EIF3B: variants seen among roughly 807,000 people sequenced by gnomAD.
EIF3B encodes eukaryotic translation initiation factor 3 subunit 9.
Under a neutral mutation model 104.6 loss-of-function variants are expected in EIF3B, and 10 were observed. That is an observed-to-expected ratio of 0.10 (90% confidence interval 0.06 to 0.16). The LOEUF (loss-of-function observed/expected upper bound fraction) is 0.16, where lower values mean the gene tolerates loss of function less well. Ranked by LOEUF, EIF3B falls within the 10% of genes least tolerant of loss-of-function variation. EIF3B has a pLI of 1.00. For missense variants in EIF3B, 1,014 were observed against 1,087.9 expected (o/e 0.93, Z 0.96); for synonymous variants, 542 against 417.2 (o/e 1.30, Z -3.65).
Position 2,360,819 on chromosome 7 carries a change from C to A in EIF3B, c.609C>A (p.Leu203=). 3 of 1,613,800 alleles carry A rather than the reference C, an allele frequency of 1.9e-6. No individual in the cohort carries two copies. Among genetic ancestry groups the A allele is most frequent in the South Asian group, 2.2e-5 (2 of 91,046 alleles). Residue 203 remains leucine, a synonymous_variant, in exon 2 of 19, where the codon CTC becomes CTA. Coordinates refer to ENST00000360876, the MANE Select transcript of EIF3B (RefSeq NM_001037283.2). ...PQVGPDRLEK[L]KNVIHKIFSK... is the part of the protein sequence containing the mutation. ...TGGGACCCGACCGACTTGAGAAACT[C>A]AAAAATGTCATCCACAAGATCTTTT...
At chr7:2,369,036 C>T (rs903013284) in intron 9 of EIF3B, among the ~76,000 whole-genome samples, 8 of 152,306 alleles carry the variant, frequency 5.3e-5, no homozygotes, top group African/African-American at 7.2e-5. Context: ...GGGAGCTGCC[C>T]TTGTTCTTGC....
chr7:2,363,658 G>C lies in EIF3B; in HGVS notation c.897G>C (p.Glu299Asp). ...DLGNLRYWLE[E>D]AECRDQYSVI... ...GGAACTTACGTTACTGGCTTGAAGA[G>C]GCAGAATGCAGAGATCAGTACAGTG... is the stretch of plus-strand genomic sequence containing the variant. The change falls in exon 5 of 19, where the codon GAG becomes GAC. Residue 299 changes from glutamate to aspartate, a missense_variant. This residue lies in a region of EIF3B where 201 missense variants were observed against 240.7 expected (regional missense o/e 0.83). Transcript: ENST00000360876. 6.2e-7 allele frequency: 1 copy of C among 1,610,108 alleles called. No homozygotes were observed. The highest frequency in any genetic ancestry group is 8.5e-7 in the Non-Finnish European group (1 of 1,178,920).
At chr7:2,379,328 C>T (rs1242678436) in intron 17 of EIF3B, 66 bp from the exon 18 acceptor site, 45 of 1,554,150 alleles carry the variant, frequency 2.9e-5, no homozygotes, top group Non-Finnish European at 3.6e-5. Context: ...CGTTCCTTCC[C>T]ACTGGCCTCG....
intron 6 of EIF3B, among the ~76,000 whole-genome samples, chr7:2,365,249 C>G (rs547227099): frequency 1.3e-5 from 2 of 152,304 alleles, no homozygotes; most frequent in Middle Eastern, 6.8e-3. Flanking sequence ...CGCACCTGGC[C>G]GAGCCGTGAT....
At chr7:2,376,490 G>A (rs1488592151) in intron 14 of EIF3B, 1 of 153,534 alleles carries the variant, frequency 6.5e-6, no homozygotes, top group Non-Finnish European at 1.4e-5. Context: ...GAGGAGAGCG[G>A]AACTAGGCGG....
intron 11 of EIF3B, chr7:2,372,311 A>T (rs112503465): frequency 8.2e-6 from 2 of 242,616 alleles, no homozygotes; most frequent in Middle Eastern, 2.9e-3. Flanking sequence ...AATGGGAAAC[A>T]TGGCCGCCCT....
intron 17 of EIF3B, 58 bp downstream of exon 17, chr7:2,379,300 G>A (rs1780865909): frequency 6.4e-7 from 1 of 1,562,376 alleles, no homozygotes; most frequent in Non-Finnish European, 8.7e-7. Context: ...CCTGGGCCCT[G>A]GTGCCCGCGG....
At chr7:2,364,846 C>G (rs1185163060) in intron 6 of EIF3B, among the ~76,000 whole-genome samples, 1 of 152,222 alleles carries the variant, frequency 6.6e-6, no homozygotes, top group African/African-American at 2.4e-5. Context: ...ATTTACCATT[C>G]ATTTAATACT....
At position 2,374,538 on chromosome 7, in the gene EIF3B, C is replaced by G; in HGVS notation, c.1821C>G (p.Asp607Glu). The change falls in exon 13 of 19, where the codon GAC (aspartate) becomes GAG (glutamate). Residue 607 changes from aspartate (D) to glutamate (E), a missense_variant. By Grantham distance (45) the Asp-to-Glu change is conservative. This residue lies in a region of EIF3B where 266 missense variants were observed against 324.0 expected (regional missense o/e 0.82). Coordinates refer to ENST00000360876, the MANE Select transcript of EIF3B (RefSeq NM_001037283.2). Reference protein sequence around the residue: ...NGKIELIKMFDKQQANTIFWS... With the variant: ...NGKIELIKMFEKQQANTIFWS... Reference sequence around the variant, plus strand: ...GCTCTTTCCTTTCAGAGATGTTCGACAAGCAGCAGGCGAACACCATCTTCT... The same window carrying G: ...GCTCTTTCCTTTCAGAGATGTTCGAGAAGCAGCAGGCGAACACCATCTTCT... 6.2e-7 allele frequency: 1 copy of G among 1,614,030 alleles called. No individual in the cohort carries two copies. The highest frequency in any genetic ancestry group is 8.5e-7 in the Non-Finnish European group (1 of 1,179,960).
Position 2,367,114 on chromosome 7 carries a change from A to C in EIF3B, c.1403+69A>C, listed in dbSNP as rs73673813. 6.9e-3 allele frequency: 9,585 copies of C among 1,397,468 alleles called. 366 individuals are homozygous for C. The African/African-American group carries it at 0.11, about 16-fold the overall frequency. 86.6% of individuals were successfully genotyped at this position (1,397,468 alleles called of 1,614,324 possible). On this transcript the variant is annotated intron_variant, in intron 9 of 18. Transcript: ENST00000360876. ...CTTAACACAATACCAAAAAAAAAAAAAAAAACACAATACCATAGGCTGGGT... is the reference window on the plus strand; with the variant it reads ...CTTAACACAATACCAAAAAAAAAAACAAAAACACAATACCATAGGCTGGGT...
Position 2,366,987 on chromosome 7 carries a change from T to A in EIF3B, c.1357-12T>A. 1 of 1,611,874 alleles carries A rather than the reference T, an allele frequency of 6.2e-7. No homozygotes were observed. The highest frequency in any genetic ancestry group is 8.5e-7 in the Non-Finnish European group (1 of 1,179,386). ...ATTTGACTCAACTGCAGCCTTCCTT[T>A]TTTTTGGGCAGTCTATGGGTCTTTT... On this transcript the variant is annotated splice_polypyrimidine_tract_variant and intron_variant, in intron 8 of 18. Transcript: ENST00000360876.
intron 1 of EIF3B, among the ~76,000 whole-genome samples, chr7:2,356,618 AG>A (rs1779460679): frequency 6.8e-6 from 1 of 146,140 alleles, no homozygotes; most frequent in Admixed American, 6.7e-5. Context: ...AAAAAAAAAA[AG>A]AAAAAGAAAA....
At chr7:2,378,108 G>A (rs1562493381) in intron 15 of EIF3B, 2 of 42,088 alleles carry the variant, frequency 4.8e-5, no homozygotes. Flanking sequence ...GTGTCATGGA[G>A]GAAGGAGCAG....
At chr7:2,373,618 T>A (rs1003694923) in intron 12 of EIF3B, 3 of 152,266 alleles carry the variant, frequency 2.0e-5, no homozygotes, top group Non-Finnish European at 4.4e-5. Flanking sequence ...CAGTTGGCAG[T>A]GGATTACAAG....
intron 8 of EIF3B, 68 bp from the exon 9 acceptor site, chr7:2,366,931 A>T (rs949829237): frequency 4.3e-5 from 65 of 1,514,510 alleles, no homozygotes; most frequent in Non-Finnish European, 5.6e-5. Flanking sequence ...CTTTTGTAAA[A>T]AGTTAGGTGT....
intron 12 of EIF3B, 70 bp downstream of exon 12, chr7:2,372,865 G>A: frequency 6.4e-7 from 1 of 1,554,072 alleles, no homozygotes; most frequent in African/African-American, 1.4e-5. Flanking sequence ...CTGCCCAACA[G>A]TGAGCATTTG....
In EIF3B at chr7:2,361,671, G is replaced by A. The variant is rs562827358; in HGVS notation, c.692+769G>A. 1.1e-3 allele frequency among the ~76,000 whole-genome samples: 171 copies of A among 152,104 alleles called. 1 individual carries two copies. Among genetic ancestry groups the A allele is most frequent in the African/African-American group, 3.7e-3 (153 of 41,498 alleles). Reference sequence around the variant, plus strand: ...CCTGACCTTGTGATCCACCCGCCTCGGCCTCCCAAAGTGCTGGGATTACAG... The same window carrying A: ...CCTGACCTTGTGATCCACCCGCCTCAGCCTCCCAAAGTGCTGGGATTACAG... On this transcript the variant is annotated intron_variant, in intron 2 of 18. Coordinates refer to ENST00000360876, the MANE Select transcript of EIF3B (RefSeq NM_001037283.2).
rs75308763 is a variant in EIF3B at position 2,362,537 on chromosome 7, A to G, written c.693-108A>G. 6.4e-4 allele frequency: 893 copies of G among 1,402,340 alleles called. 2 individuals carry two copies. The African/African-American group carries it at 0.011, about 17-fold the overall frequency. The allele number at this position is 1,402,340 out of a possible 1,614,324, so 86.9% of individuals were successfully genotyped here. A position where few individuals can be genotyped will look rare whatever the true frequency, so the allele number is the denominator to read the frequency against. On this transcript the variant is annotated intron_variant, in intron 2 of 18. Transcript: ENST00000360876. ...AGGCTCGAGGCAGGAAGAGCAGCAC[A>G]GATACTCCTGGCACCGAGGGCTTGT...
chr7:2,354,201 C>G (rs1378608173), upstream of EIF3B: 1 of 152,252 alleles, frequency 6.6e-6, no homozygotes, highest in African/African-American at 2.4e-5. Context: ...TGGGGGTAAG[C>G]GATTAAAGAA....
Sources: allele counts gnomAD v4.1 joint callset (sites outside exome capture counted in the v4.1 genomes callset), GRCh38; gene constraint gnomAD v4.1.1; regional missense constraint gnomAD v4.1.1; transcripts MANE v1.5; gene names NCBI Gene and HGNC (gene_info 2026-07-23, HGNC 2026-07-21).